The following TRAIP variants were observed in gnomAD, a reference collection of about 807,000 sequenced individuals.
The protein encoded by TRAIP is TRAF interacting protein, also known as E3 ubiquitin-protein ligase TRAIP.
TRAIP carries 37 observed loss-of-function variants against 65.0 expected under a neutral mutation model. The observed-to-expected ratio is 0.57, with a 90% CI of 0.44 to 0.75. The LOEUF (loss-of-function observed/expected upper bound fraction) is 0.75. TRAIP is among the 30% of genes least tolerant of loss of function. TRAIP has a pLI of 0.00. For missense variants in TRAIP, 481 were observed against 579.4 expected, an observed-to-expected ratio of 0.83 and a Z score of 1.74; for synonymous variants, 187 against 219.1, an observed-to-expected ratio of 0.85 and a Z score of 1.29.
chr3:49,842,555 G>A lies in TRAIP; in HGVS notation c.409-8C>T. The A allele has an allele frequency of 6.2e-7, 1 of 1,612,846 alleles. No homozygotes were observed. The highest frequency in any genetic ancestry group is 8.5e-7 in the Non-Finnish European group (1 of 1,179,840). ...TAAGTACTTCATCTGCTTCTGAAGA[G>A]CAAATACACCCATACCTGATGCTTG... On this transcript the variant is annotated splice_polypyrimidine_tract_variant and splice_region_variant and intron_variant, in intron 5 of 14. Transcript: ENST00000331456.
intron 3 of TRAIP, among the ~76,000 whole-genome samples, chr3:49,845,359 G>A (rs971882825): frequency 2.0e-5 from 3 of 152,238 alleles, no homozygotes; most frequent in African/African-American, 7.2e-5. Flanking sequence ...TTACAAAACT[G>A]AAACGCTTGA....
In TRAIP at chr3:49,839,790, T is replaced by C; in HGVS notation, c.866A>G (p.Asp289Gly). 6.2e-7 allele frequency: 1 copy of C among 1,614,180 alleles called. No homozygotes were observed. The highest frequency in any genetic ancestry group is 1.1e-5 in the South Asian group (1 of 91,088). ...NLPPVASETV[D>G]RLVLESPAPV... is the part of the protein sequence containing the mutation. ...AACAAACCTCTCTAAAACCAGGCGG[T>C]CGACAGTCTCACTGGCCACTGGTGG... The change falls in exon 10 of 15, where the codon GAC becomes GGC. Residue 289 changes from aspartate (D) to glycine (G), a missense_variant. Asp to Gly is a moderately conservative substitution (Grantham distance 94). Transcript: ENST00000331456.
At chr3:49,841,197 C>A in intron 7 of TRAIP, 125 bp from the exon 8 acceptor site, 1 of 782,736 alleles carries the variant, frequency 1.3e-6, no homozygotes, top group Non-Finnish European at 2.2e-6. Context: ...ACTTTGACAC[C>A]TGAGCCCAAC....
intron 10 of TRAIP, among the ~76,000 whole-genome samples, chr3:49,839,481 G>T (rs891685092): frequency 1.3e-5 from 2 of 152,222 alleles, no homozygotes; most frequent in African/African-American, 4.8e-5. Flanking sequence ...GGGGTGGACA[G>T]ATAAATGTGG....
intron 14 of TRAIP, 51 bp downstream of exon 14, chr3:49,829,407 T>C (rs2081711980): frequency 1.2e-6 from 2 of 1,613,632 alleles, no homozygotes; most frequent in Non-Finnish European, 1.7e-6. Context: ...AGGTGAGGCA[T>C]AGTATGGGCT....
rs1443581626 is a variant in TRAIP, at chr3:49,856,441, C to T, written c.13G>A (p.Ala5Thr). Residue 5 changes from alanine to threonine, a missense_variant, in exon 1 of 15, where the codon GCT (alanine) becomes ACT (threonine). Transcript: ENST00000331456. ...AAGTCGGAGCAGATAGTGCACAGAG[C>T]ACGGATAGGCATGATGGCTGGACTC... MPIRALCTICSDFFD... is the reference protein window; with the variant it reads MPIRTLCTICSDFFD... 1 of 1,613,900 alleles carries T rather than the reference C, an allele frequency of 6.2e-7. No individual in the cohort carries two copies. Among genetic ancestry groups the T allele is most frequent in the Non-Finnish European group, 8.5e-7 (1 of 1,179,918 alleles).
chr3:49,831,416 C>T (rs1187056105), intron 11 of TRAIP, among the ~76,000 whole-genome samples: 1 of 152,242 alleles, frequency 6.6e-6, no homozygotes, highest in East Asian at 1.9e-4. Context: ...CACCGTACCC[C>T]AGAGCAGGTT....
At chr3:49,836,353 A>T (rs1459441000) in intron 10 of TRAIP, among the ~76,000 whole-genome samples, 2 of 151,870 alleles carry the variant, frequency 1.3e-5, no homozygotes, top group Non-Finnish European at 2.9e-5. Context: ...CTAGCTGGGC[A>T]TGGTGGTGCG....
At chr3:49,840,178 A>G in intron 9 of TRAIP, 106 bp downstream of exon 9, 1 of 1,071,326 alleles carries the variant, frequency 9.3e-7, no homozygotes, top group Admixed American at 2.0e-5. Flanking sequence ...GGGGCCCAGA[A>G]CCACCACTGA....
intron 10 of TRAIP, 102 bp from the exon 11 acceptor site, chr3:49,832,170 A>C: frequency 7.5e-7 from 1 of 1,326,016 alleles, no homozygotes; most frequent in East Asian, 2.8e-5. Flanking sequence ...CCTGGAGCCC[A>C]CTCCTGACTC....
At chr3:49,851,405 T>C (rs556220819) in intron 1 of TRAIP, among the ~76,000 whole-genome samples, 4 of 152,276 alleles carry the variant, frequency 2.6e-5, no homozygotes, top group African/African-American at 9.6e-5. Context: ...TGTTCTTTTT[T>C]TGAAATGGGG....
intron 3 of TRAIP, among the ~76,000 whole-genome samples, chr3:49,847,298 C>T (rs1399805256): frequency 6.6e-6 from 1 of 151,594 alleles, no homozygotes; most frequent in Non-Finnish European, 1.5e-5. Flanking sequence ...GGGGAGATCC[C>T]TTGAACTCAG....
In TRAIP at chr3:49,856,506, C is replaced by A. The variant is rs1200221868; in HGVS notation, c.-53G>T. ...GCCAAAGAAACTGCTACAGGTCCGGCTTCGTAGACGCGCCCCCGCGCCTCC... is the reference window on the plus strand; with the variant it reads ...GCCAAAGAAACTGCTACAGGTCCGGATTCGTAGACGCGCCCCCGCGCCTCC... On this transcript the variant is annotated 5_prime_UTR_variant, in exon 1 of 15. Coordinates refer to ENST00000331456, the MANE Select transcript of TRAIP (RefSeq NM_005879.3). The A allele has an allele frequency of 5.1e-5, 78 of 1,525,728 alleles. No individual in the cohort carries two copies. Among genetic ancestry groups the A allele is most frequent in the Non-Finnish European group, 3.1e-5 (34 of 1,114,684 alleles). 94.5% of individuals were successfully genotyped at this position (1,525,728 alleles called of 1,614,324 possible).
At position 49,848,129 on chromosome 3, in the gene TRAIP, C is replaced by T. The variant is rs2081901514; in HGVS notation, c.156+14G>A. The T allele has an allele frequency of 6.2e-7, 1 of 1,614,118 alleles. No individual in the cohort carries two copies. Among genetic ancestry groups the T allele is most frequent in the East Asian group, 2.2e-5 (1 of 44,886 alleles). ...ATCTCTTCAGTTGAGGTGGTCCCAC[C>T]CCAATACTCTCACCTGGATTCGGCA... is the stretch of plus-strand genomic sequence containing the variant. On this transcript the variant is annotated intron_variant, in intron 2 of 14. Transcript: ENST00000331456.
chr3:49,850,372 G>A (rs1017562185), intron 1 of TRAIP, among the ~76,000 whole-genome samples: 3 of 151,786 alleles, frequency 2.0e-5, no homozygotes, highest in Non-Finnish European at 2.9e-5. Flanking sequence ...GGTGGCGCAC[G>A]CCTGTAATCC....
At chr3:49,840,549 A>G in intron 8 of TRAIP, 176 bp from the exon 9 acceptor site, 2 of 598,288 alleles carry the variant, frequency 3.3e-6, no homozygotes, top group East Asian at 5.6e-5. Context: ...GGAGCTGCCT[A>G]GAAGCAAAGG....
intron 1 of TRAIP, among the ~76,000 whole-genome samples, chr3:49,855,583 A>AT (rs1159243735): frequency 6.6e-6 from 1 of 152,258 alleles, no homozygotes; most frequent in Non-Finnish European, 1.5e-5. Flanking sequence ...CTCCCTCAGC[A>AT]TGGGGCTCAG....
chr3:49,836,529 A>AAAAGCAAAGCAAAGC (rs140857495), intron 10 of TRAIP, among the ~76,000 whole-genome samples: 2 of 152,022 alleles, frequency 1.3e-5, no homozygotes, highest in African/African-American at 4.8e-5. Flanking sequence ...AAGAAAAAGA[A>AAAAGCAAAGCAAAGC]AAAGCAAAGC....
chr3:49,843,759 ACCTC>A (rs771316231), intron 5 of TRAIP, 38 bp downstream of exon 5: 3 of 1,590,900 alleles, frequency 1.9e-6, no homozygotes, highest in Non-Finnish European at 2.6e-6. Flanking sequence ...CTGGGGCAAT[ACCTC>A]CCTATGAATT....
Sources: allele counts gnomAD v4.1 joint callset (sites outside exome capture counted in the v4.1 genomes callset), GRCh38; gene constraint gnomAD v4.1.1; transcripts MANE v1.5; gene names NCBI Gene and HGNC (gene_info 2026-07-23, HGNC 2026-07-21).